FAM3B: variants seen among roughly 807,000 people sequenced by gnomAD.
The protein encoded by FAM3B is protein FAM3B.
Under a neutral mutation model 28.4 loss-of-function variants are expected in FAM3B, and 29 were observed. That is an observed-to-expected ratio of 1.02 (90% CI 0.76 to 1.39). The LOEUF is 1.39. Ranked by LOEUF, FAM3B falls within the 40% of genes most tolerant of loss-of-function variation. FAM3B has a pLI of 0.00. For synonymous variants in FAM3B, 91 were observed against 103.0 expected (o/e 0.88, Z 0.71); for missense variants, 266 against 293.9 (o/e 0.91, Z 0.69).
At chr21:41,305,009 C>T (rs905519785) in intron 1 of FAM3B, among the ~76,000 whole-genome samples, 4 of 152,240 alleles carry the variant, frequency 2.6e-5, no homozygotes, top group African/African-American at 9.6e-5. Context: ...GAAGGGATGA[C>T]GTGTGGAACC....
chr21:41,351,644 A>C (rs62219625), intron 7 of FAM3B, among the ~76,000 whole-genome samples: 7,022 of 152,116 alleles, frequency 0.046, 177 homozygotes, highest in Middle Eastern at 0.14. Flanking sequence ...CCATGTTGGG[A>C]GGGCCTCCTG....
chr21:41,342,872 G>C (rs386027), intron 3 of FAM3B, among the ~76,000 whole-genome samples: 1 of 152,054 alleles, frequency 6.6e-6, no homozygotes, highest in Non-Finnish European at 1.5e-5. Context: ...TTTTCCTCAC[G>C]TGTCAGGTTT....
At chr21:41,323,878 G>C (rs762892874) in intron 2 of FAM3B, among the ~76,000 whole-genome samples, 24 of 152,184 alleles carry the variant, frequency 1.6e-4, no homozygotes, top group Admixed American at 3.9e-4. Flanking sequence ...CCAGATTACT[G>C]TAAGAGAACA....
At chr21:41,328,855 C>T (rs1601356770) in intron 2 of FAM3B, among the ~76,000 whole-genome samples, 1 of 152,246 alleles carries the variant, frequency 6.6e-6, no homozygotes. Flanking sequence ...TTTTCACCTA[C>T]TGGGGACGGA....
At position 41,311,250 on chromosome 21, in the gene FAM3B, AAATATATATATATATATATATAT is replaced by A. The variant is rs1361595722; in HGVS notation, n.99+6942_99+6964del. On this transcript the variant is annotated intron_variant and non_coding_transcript_variant, in intron 1 of 9. Coordinates refer to the FAM3B transcript ENST00000479810. The stretch of plus-strand genomic sequence containing the variant: ...CCCTGTCTCTACAAAAAAAAAAAAA[AAATATATATATATATATATATAT>A]ATATATATATATATATATATATATG... Among the ~76,000 whole-genome samples, 31 of 56,006 alleles carry A rather than the reference AAATATATATATATATATATATAT, an allele frequency of 5.5e-4. 1 individual carries two copies. Among genetic ancestry groups the A allele is most frequent in the African/African-American group, 1.8e-3 (23 of 12,816 alleles). The allele number at this position is 56,006 out of a possible 152,430, so 36.7% of individuals were successfully genotyped here. A position where few individuals can be genotyped will look rare whatever the true frequency, so the allele number is the denominator to read the frequency against.
intron 1 of FAM3B, among the ~76,000 whole-genome samples, chr21:41,304,492 A>T (rs2088671387): frequency 6.6e-6 from 1 of 152,168 alleles, no homozygotes. Context: ...AGTCGCAGAC[A>T]GCCCCCAACT....
At position 41,357,238 on chromosome 21, in the gene FAM3B, T is replaced by C. The variant is rs1223610461; in HGVS notation, c.*41T>C. ...AGTAAATGTGTTCTGTATAAACAAA[T>C]GCAGCTGGAATCGCTCAAGAATCTT... On this transcript the variant is annotated 3_prime_UTR_variant, in exon 8 of 8. Transcript: ENST00000357985. The C allele has an allele frequency of 7.2e-7, 1 of 1,393,024 alleles. No homozygotes were observed. The highest frequency in any genetic ancestry group is 2.3e-5 in the East Asian group (1 of 42,882). The allele number at this position is 1,393,024 out of a possible 1,614,324, so 86.3% of individuals were successfully genotyped here.
At chr21:41,320,522 G>C (rs1489067498) in intron 1 of FAM3B, 1 of 152,322 alleles carries the variant, frequency 6.6e-6, no homozygotes, top group Non-Finnish European at 1.5e-5. Context: ...ACTATGTCCT[G>C]CCCTCCCTCT....
intron 5 of FAM3B, 145 bp downstream of exon 5, chr21:41,345,881 T>C (rs1480739490): frequency 1.6e-6 from 1 of 634,628 alleles, no homozygotes. Flanking sequence ...AGTGGTCTTA[T>C]GTAGATCCTC....
At chr21:41,316,718 G>A (rs2088751842), upstream of FAM3B, 5 of 522,940 alleles carry the variant, frequency 9.6e-6, no homozygotes, top group Non-Finnish European at 1.5e-5. Flanking sequence ...CGCACCTGCC[G>A]GGTCCGCACC....
chr21:41,318,466 G>A (rs2088770217), intron 1 of FAM3B, among the ~76,000 whole-genome samples: 1 of 152,142 alleles, frequency 6.6e-6, no homozygotes, highest in Non-Finnish European at 1.5e-5. Context: ...GGCCGGTTAC[G>A]CTGCACTCCT....
intron 6 of FAM3B, among the ~76,000 whole-genome samples, chr21:41,348,355 G>A (rs1434812704): frequency 5.3e-5 from 8 of 152,164 alleles, no homozygotes; most frequent in African/African-American, 1.7e-4. Flanking sequence ...GTAGAATTCT[G>A]TGCCCCAAAC....
intron 3 of FAM3B, 138 bp downstream of exon 3, chr21:41,338,639 A>C (rs2253894): frequency 2.6e-6 from 3 of 1,155,282 alleles, no homozygotes. Context: ...GAGAGCATCC[A>C]AGTGGAAATG....
chr21:41,357,202 G>T lies in FAM3B; in HGVS notation c.*5G>T. 6.2e-7 allele frequency: 1 copy of T among 1,602,186 alleles called. No homozygotes were observed. The highest frequency in any genetic ancestry group is 8.5e-7 in the Non-Finnish European group (1 of 1,170,820). The stretch of plus-strand genomic sequence containing the variant: ...ATACCCAAAGAACGAAGCTGACACT[G>T]CAGGGTCCTGAGTAAATGTGTTCTG... On this transcript the variant is annotated 3_prime_UTR_variant, in exon 8 of 8. Transcript: ENST00000357985.
chr21:41,350,614 C>G (rs2089109296), intron 7 of FAM3B, among the ~76,000 whole-genome samples: 1 of 152,194 alleles, frequency 6.6e-6, no homozygotes, highest in African/African-American at 2.4e-5. Flanking sequence ...TGGGTCTCCC[C>G]AAAAACCAGT....
At chr21:41,350,847 C>T (rs1376422334) in intron 7 of FAM3B, among the ~76,000 whole-genome samples, 4 of 152,222 alleles carry the variant, frequency 2.6e-5, no homozygotes, top group African/African-American at 4.8e-5. Context: ...TCTTTCCTTC[C>T]TTCCCAGTTC....
intron 1 of FAM3B, chr21:41,322,644 G>C (rs755303530): frequency 1.4e-6 from 1 of 718,086 alleles, no homozygotes. Context: ...TGACATAAAC[G>C]TTCAAGGACG....
At chr21:41,311,247 A>ATATAT (rs2088709339) in intron 1 of FAM3B, among the ~76,000 whole-genome samples, 1 of 63,446 alleles carries the variant, frequency 1.6e-5, no homozygotes, top group Non-Finnish European at 2.9e-5. Flanking sequence ...AAAAAAAAAA[A>ATATAT]AAAAATATAT....
intron 3 of FAM3B, among the ~76,000 whole-genome samples, chr21:41,339,126 G>A (rs939733052): frequency 2.0e-5 from 3 of 152,114 alleles, no homozygotes; most frequent in Non-Finnish European, 4.4e-5. Context: ...ATCCATATAA[G>A]ATTGATATTA....
Sources: gnomAD v4.1 joint callset for allele counts (sites outside exome capture counted in the v4.1 genomes callset) on GRCh38, gnomAD v4.1.1 for gene constraint, MANE v1.5 for transcripts, NCBI Gene and HGNC (gene_info 2026-07-23, HGNC 2026-07-21) for gene names.